The following SAMTOR variants were observed in gnomAD, a reference collection of about 807,000 sequenced individuals.
SAMTOR encodes UPF0532 protein C7orf60.
chr7:112,914,984 T>C, the SAMTOR span, among the ~76,000 whole-genome samples: 1 of 152,164 alleles, frequency 6.6e-6, no homozygotes, highest in African/African-American at 2.4e-5. Context: ...CTCACGTCTG[T>C]AATCCAAGCA....
chr7:112,836,227 T>G, the SAMTOR span, among the ~76,000 whole-genome samples: 2 of 152,214 alleles, frequency 1.3e-5, no homozygotes, highest in African/African-American at 4.8e-5. Context: ...TTTGCATTTC[T>G]CTAACGTTTA....
At chr7:112,820,553 A>C in the SAMTOR span, 1 of 152,382 alleles carries the variant, frequency 6.6e-6, no homozygotes, top group Non-Finnish European at 1.5e-5. Flanking sequence ...ATGTGGACTA[A>C]ATGTTCTTAA....
chr7:112,933,050 A>G, the SAMTOR span, among the ~76,000 whole-genome samples: 2 of 152,348 alleles, frequency 1.3e-5, no homozygotes, highest in East Asian at 3.9e-4. Flanking sequence ...GGCAGGGATA[A>G]TGCCCAGGAG....
chr7:112,833,823 A>G, the SAMTOR span, among the ~76,000 whole-genome samples: 2 of 152,164 alleles, frequency 1.3e-5, no homozygotes, highest in African/African-American at 2.4e-5. Flanking sequence ...TCGCTCCTTA[A>G]TTTTTTATTT....
the SAMTOR span, among the ~76,000 whole-genome samples, chr7:112,854,140 GA>G: frequency 1.3e-5 from 2 of 151,932 alleles, no homozygotes; most frequent in Non-Finnish European, 2.9e-5. Context: ...AGGAACAGCA[GA>G]AAAAAATAGT....
the SAMTOR span, among the ~76,000 whole-genome samples, chr7:112,828,530 C>G: frequency 1.3e-5 from 2 of 152,138 alleles, no homozygotes; most frequent in African/African-American, 4.8e-5. Flanking sequence ...TGTAATCACC[C>G]CTGTTTAATT....
At chr7:112,916,759 C>T in the SAMTOR span, among the ~76,000 whole-genome samples, 6 of 152,142 alleles carry the variant, frequency 3.9e-5, no homozygotes, top group African/African-American at 7.2e-5. Flanking sequence ...GCTTTTCCGA[C>T]GGGCTTGGGA....
At chr7:112,903,199 G>C in the SAMTOR span, among the ~76,000 whole-genome samples, 1 of 151,940 alleles carries the variant, frequency 6.6e-6, no homozygotes, top group African/African-American at 2.4e-5. Context: ...TGTAATCCCA[G>C]CTACTCGGGA....
At chr7:112,821,949 A>G in the SAMTOR span, 1 of 1,612,780 alleles carries the variant, frequency 6.2e-7, no homozygotes, top group East Asian at 2.2e-5. Context: ...AGGAATATAT[A>G]ACATTCCTGG....
the SAMTOR span, among the ~76,000 whole-genome samples, chr7:112,861,890 T>C: frequency 6.6e-6 from 1 of 152,246 alleles, no homozygotes; most frequent in South Asian, 2.1e-4. Flanking sequence ...CATAATGTTT[T>C]CATCTGTTGT....
chr7:112,828,221 A>G, the SAMTOR span, among the ~76,000 whole-genome samples: 33 of 152,226 alleles, frequency 2.2e-4, no homozygotes, highest in Admixed American at 3.9e-4. Context: ...GTAACAAAGT[A>G]CCATGAACTG....
the SAMTOR span, among the ~76,000 whole-genome samples, chr7:112,925,842 T>C: frequency 5.6e-4 from 83 of 149,254 alleles, 1 homozygote; most frequent in Non-Finnish European, 9.6e-4. Flanking sequence ...CCTGGGTCCA[T>C]GTAGTTTAAT....
the SAMTOR span, among the ~76,000 whole-genome samples, chr7:112,930,556 A>C: frequency 6.6e-6 from 1 of 152,122 alleles, no homozygotes; most frequent in East Asian, 1.9e-4. Context: ...AAAAAGAAAA[A>C]GTCATTTTAA....
chr7:112,918,997 T>C, the SAMTOR span, among the ~76,000 whole-genome samples: 21 of 152,254 alleles, frequency 1.4e-4, no homozygotes, highest in East Asian at 3.3e-3. Flanking sequence ...ACAATAATAA[T>C]GGGAGACTTT....
chr7:112,883,637 A>T, the SAMTOR span, among the ~76,000 whole-genome samples: 1 of 152,304 alleles, frequency 6.6e-6, no homozygotes, highest in East Asian at 1.9e-4. Context: ...ACTGTGCATA[A>T]AGCATTCTTA....
the SAMTOR span, chr7:112,939,247 G>A: frequency 6.7e-6 from 2 of 298,864 alleles, no homozygotes; most frequent in East Asian, 7.1e-5. Flanking sequence ...GGCGTCTCTT[G>A]CAAAAAGCGA....
At chr7:112,935,062 C>G in the SAMTOR span, 1 of 244,384 alleles carries the variant, frequency 4.1e-6, no homozygotes, top group African/African-American at 2.3e-5. Context: ...TTAACAGGAC[C>G]TTCTGTGACA....
chr7:112,866,529 G>C, the SAMTOR span, among the ~76,000 whole-genome samples: 2 of 152,192 alleles, frequency 1.3e-5, no homozygotes, highest in Non-Finnish European at 2.9e-5. Context: ...GAGTGAAAAA[G>C]AGCCAGGGAA....
the SAMTOR span, among the ~76,000 whole-genome samples, chr7:112,925,255 A>C: frequency 3.3e-5 from 5 of 152,316 alleles, no homozygotes; most frequent in East Asian, 5.8e-4. Flanking sequence ...TTTGAAACTA[A>C]ATCATTCATT....
Sources: gnomAD v4.1 joint callset for allele counts (sites outside exome capture counted in the v4.1 genomes callset) on GRCh38, gnomAD v4.1.1 for gene constraint, MANE v1.5 for transcripts, NCBI Gene and HGNC (gene_info 2026-07-23, HGNC 2026-07-21) for gene names.